C12orf75: variants seen among roughly 807,000 people sequenced by gnomAD.
The protein encoded by C12orf75 is overexpressed in colon carcinoma 1 protein.
In C12orf75, 4 loss-of-function variants were observed where a neutral mutation model predicts 11.4. That is an observed-to-expected ratio of 0.35 (90% CI 0.17 to 0.80). C12orf75 has a LOEUF of 0.80. C12orf75 is among the 30% of genes least tolerant of loss of function. The pLI is 0.52. For missense variants in C12orf75, 89 were observed against 80.4 expected, an observed-to-expected ratio of 1.11 and a Z score of -0.41; for synonymous variants, 30 against 30.0, an observed-to-expected ratio of 1.00 and a Z score of 0.00.
At chr12:105,369,622 T>C (rs578260500) in intron 5 of C12orf75, among the ~76,000 whole-genome samples, 5 of 151,588 alleles carry the variant, frequency 3.3e-5, no homozygotes, top group Admixed American at 2.6e-4. Flanking sequence ...CCCCAACCCC[T>C]GAACAGGCCC....
intron 1 of C12orf75, among the ~76,000 whole-genome samples, chr12:105,343,835 A>T (rs1161405601): frequency 6.6e-6 from 1 of 152,110 alleles, no homozygotes; most frequent in East Asian, 1.9e-4. Flanking sequence ...TTTTCCTATT[A>T]AAAAATGGAG....
At chr12:105,348,084 C>T (rs1033007941) in intron 1 of C12orf75, among the ~76,000 whole-genome samples, 15 of 152,114 alleles carry the variant, frequency 9.9e-5, no homozygotes, top group Non-Finnish European at 1.8e-4. Flanking sequence ...GATTCCAAAG[C>T]TAAGATTTGA....
At chr12:105,336,411 AAG>A (rs1194979784) in intron 1 of C12orf75, among the ~76,000 whole-genome samples, 1 of 152,248 alleles carries the variant, frequency 6.6e-6, no homozygotes, top group Non-Finnish European at 1.5e-5. Flanking sequence ...GGGGTGTAAT[AAG>A]AGAGCCTATT....
At chr12:105,363,343 CTG>C (rs1420387105) in intron 2 of C12orf75, among the ~76,000 whole-genome samples, 1 of 152,188 alleles carries the variant, frequency 6.6e-6, no homozygotes, top group African/African-American at 2.4e-5. Flanking sequence ...TGTAGAATAA[CTG>C]TTTGTGGAAG....
At chr12:105,332,111 T>C (rs997206717) in intron 1 of C12orf75, among the ~76,000 whole-genome samples, 26 of 152,188 alleles carry the variant, frequency 1.7e-4, no homozygotes, top group Admixed American at 1.7e-3. Context: ...AAGGTTAGTG[T>C]AGCACCTTAT....
At chr12:105,364,849 T>C (rs1871417391) in intron 2 of C12orf75, among the ~76,000 whole-genome samples, 1 of 150,258 alleles carries the variant, frequency 6.7e-6, no homozygotes, top group Non-Finnish European at 1.5e-5. Flanking sequence ...TTTTTTTTTT[T>C]TTTTTTTTTT....
chr12:105,368,736 A>G (rs748450242), intron 5 of C12orf75, among the ~76,000 whole-genome samples: 5 of 152,190 alleles, frequency 3.3e-5, no homozygotes. Context: ...TAGAGAAAGG[A>G]GACGCAGAAA....
At chr12:105,333,364 C>T (rs1161926713) in intron 1 of C12orf75, among the ~76,000 whole-genome samples, 3 of 152,192 alleles carry the variant, frequency 2.0e-5, no homozygotes, top group Non-Finnish European at 2.9e-5. Flanking sequence ...TGGGCATCAG[C>T]GTCAATTGCA....
chr12:105,356,690 TCATGA>T (rs1892786298), intron 2 of C12orf75, among the ~76,000 whole-genome samples: 1 of 152,176 alleles, frequency 6.6e-6, no homozygotes, highest in Admixed American at 6.5e-5. Context: ...TTGTCCTTGA[TCATGA>T]CATGGTTCCA....
chr12:105,348,556 G>T, intron 1 of C12orf75, 46 bp from the exon 2 acceptor site: 1 of 1,380,860 alleles, frequency 7.2e-7, no homozygotes, highest in Non-Finnish European at 9.7e-7. Flanking sequence ...CATTTTTGTA[G>T]CAATACTATC....
chr12:105,336,445 G>GTGTAA (rs1592875750), intron 1 of C12orf75, among the ~76,000 whole-genome samples: 2 of 152,238 alleles, frequency 1.3e-5, no homozygotes, highest in Admixed American at 1.3e-4. Flanking sequence ...GAGTTAATGT[G>GTGTAA]TGTAAAGTGT....
At chr12:105,352,713 G>A (rs1482151093) in intron 2 of C12orf75, among the ~76,000 whole-genome samples, 2 of 152,136 alleles carry the variant, frequency 1.3e-5, no homozygotes, top group African/African-American at 4.8e-5. Context: ...TGGTGGTTTG[G>A]GGAGGGGGTT....
intron 2 of C12orf75, among the ~76,000 whole-genome samples, chr12:105,354,699 C>T (rs1469720829): frequency 1.4e-5 from 2 of 145,294 alleles, no homozygotes; most frequent in African/African-American, 5.0e-5. Flanking sequence ...TCATATATTC[C>T]CATTGGTAGC....
At chr12:105,357,652 T>TA (rs528608327) in intron 2 of C12orf75, among the ~76,000 whole-genome samples, 78 of 152,312 alleles carry the variant, frequency 5.1e-4, no homozygotes, top group Non-Finnish European at 9.3e-4. Context: ...ATGATTATGA[T>TA]ACTCAACGGG....
chr12:105,353,748 C>T (rs1892743159), intron 2 of C12orf75, among the ~76,000 whole-genome samples: 1 of 152,114 alleles, frequency 6.6e-6, no homozygotes, highest in African/African-American at 2.4e-5. Context: ...TAAGTTGACT[C>T]AAATATAATG....
At chr12:105,369,717 G>C (rs1458019132) in intron 5 of C12orf75, among the ~76,000 whole-genome samples, 1 of 152,018 alleles carries the variant, frequency 6.6e-6, no homozygotes, top group Non-Finnish European at 1.5e-5. Flanking sequence ...ATGTTTAGCT[G>C]TCTCTAAACA....
intron 1 of C12orf75, among the ~76,000 whole-genome samples, chr12:105,337,045 C>T (rs887129543): frequency 6.6e-6 from 1 of 152,110 alleles, no homozygotes; most frequent in Non-Finnish European, 1.5e-5. Flanking sequence ...CAGCACGGGC[C>T]GGGCACGGTG....
intron 2 of C12orf75, among the ~76,000 whole-genome samples, chr12:105,365,240 G>A (rs2136151929): frequency 6.6e-6 from 1 of 152,214 alleles, no homozygotes. Flanking sequence ...AGTAGATCAT[G>A]TATGAAATGG....
intron 2 of C12orf75, among the ~76,000 whole-genome samples, chr12:105,361,352 C>T (rs1892862922): frequency 6.6e-6 from 1 of 152,128 alleles, no homozygotes; most frequent in South Asian, 2.1e-4. Flanking sequence ...TGGGGCAGCC[C>T]TGTTGTTTGG....
Sources: gnomAD v4.1 joint callset for allele counts (sites outside exome capture counted in the v4.1 genomes callset) on GRCh38, gnomAD v4.1.1 for gene constraint, MANE v1.5 for transcripts, NCBI Gene and HGNC (gene_info 2026-07-23, HGNC 2026-07-21) for gene names.